The following P2RX3 variants were observed in gnomAD, a reference collection of about 807,000 sequenced individuals.
The protein encoded by P2RX3 is purinergic receptor P2X 3.
P2RX3 carries 41 observed loss-of-function variants against 51.5 expected under a neutral mutation model. That is an observed-to-expected ratio of 0.80 (90% CI 0.62 to 1.03). P2RX3 has a LOEUF of 1.03. P2RX3 is among the 50% of genes least tolerant of loss of function. The pLI is 0.00. For missense variants in P2RX3, 459 were observed against 522.1 expected, an observed-to-expected ratio of 0.88 and a Z score of 1.18; for synonymous variants, 185 against 191.6, an observed-to-expected ratio of 0.97 and a Z score of 0.29.
intron 8 of P2RX3, among the ~76,000 whole-genome samples, chr11:57,363,199 G>A (rs1856747027): frequency 6.6e-6 from 1 of 152,216 alleles, no homozygotes; most frequent in Non-Finnish European, 1.5e-5. Context: ...TCATGGGACT[G>A]TGCCCTCTGT....
intron 1 of P2RX3, among the ~76,000 whole-genome samples, chr11:57,339,933 G>A (rs1158001979): frequency 6.6e-6 from 1 of 152,216 alleles, no homozygotes; most frequent in Non-Finnish European, 1.5e-5. Flanking sequence ...GGCAGGTATT[G>A]TAAAAAGGCT....
chr11:57,335,986 G>T (rs944927174), upstream of P2RX3: 4 of 152,262 alleles, frequency 2.6e-5, no homozygotes, highest in South Asian at 4.1e-4. The surrounding 1 kb of genome is among the most constrained non-coding windows in gnomAD (Gnocchi z 4.6). Context: ...AAGGGTGGTT[G>T]CCGTGAAGCC....
Position 57,368,500 on chromosome 11 carries a change from A to G in P2RX3, c.1002+63A>G. 5.1e-6 allele frequency: 8 copies of G among 1,573,770 alleles called. No homozygotes were observed. In the South Asian group the frequency reaches 8.9e-5, roughly 17 times the overall value. On this transcript the variant is annotated intron_variant, in intron 10 of 11. Coordinates refer to ENST00000263314, the MANE Select transcript of P2RX3 (RefSeq NM_002559.5). ...GAGTGGGGCCCGGACTGGTACCAGC[A>G]GGCAGGGGAGTGACGGCGGCAAAAC...
In P2RX3 at chr11:57,347,431, G is replaced by A. The variant is rs146469943; in HGVS notation, c.344G>A (p.Arg115His). The A allele has an allele frequency of 1.3e-4, 197 of 1,559,716 alleles. No individual in the cohort carries two copies. Among genetic ancestry groups the A allele is most frequent in the Non-Finnish European group, 5.9e-5 (68 of 1,151,314 alleles). The part of the protein sequence containing the change: ...GFCPESEEKY[R>H]CVSDSQCGPE... The stretch of plus-strand genomic sequence containing the variant: ...TGCCCACAGAGTGAGGAGAAATACC[G>A]CTGTGTATCAGACAGCCAGTGCGGG... The change falls in exon 4 of 12, where the codon CGC (arginine) becomes CAC (histidine). Residue 115 changes from arginine to histidine, a missense_variant. Transcript: ENST00000263314.
intron 4 of P2RX3, among the ~76,000 whole-genome samples, chr11:57,347,969 C>T (rs570777681): frequency 1.3e-5 from 2 of 152,254 alleles, no homozygotes; most frequent in East Asian, 1.9e-4. Flanking sequence ...GCTCGGAGCA[C>T]ATGAAAGGAA....
intron 1 of P2RX3, among the ~76,000 whole-genome samples, chr11:57,340,327 T>A (rs1856315661): frequency 1.3e-5 from 2 of 152,146 alleles, no homozygotes; most frequent in African/African-American, 4.8e-5. Context: ...TCAGATAGAA[T>A]CCTCCAGTCC....
chr11:57,338,959 G>C (rs1856288334), intron 1 of P2RX3, among the ~76,000 whole-genome samples: 1 of 152,174 alleles, frequency 6.6e-6, no homozygotes, highest in East Asian at 1.9e-4. Context: ...CACCGAGGGA[G>C]GGCTCAGGAG....
intron 8 of P2RX3, among the ~76,000 whole-genome samples, chr11:57,353,845 C>G (rs1005225123): frequency 2.9e-5 from 4 of 135,934 alleles, no homozygotes; most frequent in Admixed American, 7.3e-5. Context: ...ACTCCCCCCC[C>G]CCCGCCCCTA....
chr11:57,359,857 C>T (rs1434666988), intron 8 of P2RX3, among the ~76,000 whole-genome samples: 1 of 152,198 alleles, frequency 6.6e-6, no homozygotes, highest in Admixed American at 6.5e-5. Context: ...GGCATGTTGC[C>T]TGATGACCAG....
At chr11:57,339,912 A>G (rs1856307460) in intron 1 of P2RX3, among the ~76,000 whole-genome samples, 1 of 152,182 alleles carries the variant, frequency 6.6e-6, no homozygotes, top group African/African-American at 2.4e-5. Context: ...AAGCCCTGGT[A>G]GGCTTCAGTG....
chr11:57,364,374 C>T (rs1042150966), intron 8 of P2RX3, among the ~76,000 whole-genome samples: 10 of 152,182 alleles, frequency 6.6e-5, no homozygotes, highest in Admixed American at 5.9e-4. Context: ...TTGGAGGCAT[C>T]GGTATGGATT....
chr11:57,354,732 A>T (rs1461782456), intron 8 of P2RX3, among the ~76,000 whole-genome samples: 2 of 150,778 alleles, frequency 1.3e-5, no homozygotes, highest in Non-Finnish European at 3.0e-5. Context: ...TGAGTGTGTC[A>T]GTGTGTGTGT....
chr11:57,348,381 C>T, intron 5 of P2RX3, 118 bp downstream of exon 5: 2 of 1,022,008 alleles, frequency 2.0e-6, no homozygotes, highest in Non-Finnish European at 2.8e-6. Context: ...AGTGTTGTCC[C>T]TTCCTGGTGT....
At chr11:57,351,705 T>C (rs1029451352) in intron 8 of P2RX3, among the ~76,000 whole-genome samples, 12 of 152,246 alleles carry the variant, frequency 7.9e-5, no homozygotes, top group African/African-American at 2.4e-4. Context: ...TTCTTTTTTT[T>C]CTGAATCATT....
At chr11:57,336,050 A>G (rs1856214516), upstream of P2RX3, among the ~76,000 whole-genome samples, 1 of 152,048 alleles carries the variant, frequency 6.6e-6, no homozygotes, top group African/African-American at 2.4e-5. Flanking sequence ...CTCTTTAGAA[A>G]CTACAGACAC....
At chr11:57,358,898 C>T (rs536458706) in intron 8 of P2RX3, among the ~76,000 whole-genome samples, 4 of 152,302 alleles carry the variant, frequency 2.6e-5, no homozygotes, top group African/African-American at 2.4e-5. Flanking sequence ...CACACACACA[C>T]GCACTCACAC....
At chr11:57,344,553 GC>G (rs750261079) in intron 1 of P2RX3, among the ~76,000 whole-genome samples, 23 of 152,132 alleles carry the variant, frequency 1.5e-4, no homozygotes, top group Non-Finnish European at 7.3e-5. Flanking sequence ...AAAAAAGTTA[GC>G]CAGGCGTGGT....
chr11:57,358,545 T>A (rs991916418), intron 8 of P2RX3, among the ~76,000 whole-genome samples: 1 of 152,212 alleles, frequency 6.6e-6, no homozygotes, highest in Non-Finnish European at 1.5e-5. Flanking sequence ...GTTCAGGCCT[T>A]GCTGTTAATC....
intron 1 of P2RX3, among the ~76,000 whole-genome samples, chr11:57,338,885 G>C (rs1856286502): frequency 6.6e-6 from 1 of 152,162 alleles, no homozygotes; most frequent in African/African-American, 2.4e-5. Flanking sequence ...TCGTCCTCCA[G>C]GGTTGAGATT....
Sources: gnomAD v4.1 joint callset for allele counts (sites outside exome capture counted in the v4.1 genomes callset) on GRCh38, gnomAD v4.1.1 for gene constraint, Gnocchi (gnomAD v3.1) non-coding constraint, MANE v1.5 for transcripts, NCBI Gene and HGNC (gene_info 2026-07-23, HGNC 2026-07-21) for gene names.